The following PTPRG variants were observed in gnomAD, a reference collection of about 807,000 sequenced individuals.
The protein encoded by PTPRG is receptor-type tyrosine-protein phosphatase gamma.
PTPRG carries 102 observed loss-of-function variants against 165.3 expected under a neutral mutation model. The ratio of observed to expected loss-of-function variants is 0.62; its 90% CI spans 0.53 to 0.73. The LOEUF (loss-of-function observed/expected upper bound fraction) is 0.73, where lower values mean the gene tolerates loss of function less well. Ranked by LOEUF, PTPRG falls within the 30% of genes least tolerant of loss-of-function variation. PTPRG has a pLI of 0.00. For missense variants in PTPRG, 1,866 were observed against 1,861.4 expected (o/e 1.00, Z -0.05); for synonymous variants, 675 against 669.5 (o/e 1.01, Z -0.13).
At chr3:61,661,659 C>T (rs761528805) in intron 1 of PTPRG, among the ~76,000 whole-genome samples, 13 of 151,986 alleles carry the variant, frequency 8.6e-5, no homozygotes, top group Non-Finnish European at 1.6e-4. Flanking sequence ...GGATAAAGAG[C>T]TTTGTTTGTT....
Position 62,293,468 on chromosome 3 carries a change from T to G in PTPRG, c.*161T>G. The G allele has an allele frequency of 1.7e-6, 1 of 571,522 alleles. No individual in the cohort carries two copies. Among genetic ancestry groups the G allele is most frequent in the Non-Finnish European group, 2.9e-6 (1 of 348,730 alleles). 35.4% of individuals were successfully genotyped at this position (571,522 alleles called of 1,614,324 possible). A position where few individuals can be genotyped will look rare whatever the true frequency, so the allele number is the denominator to read the frequency against. On this transcript the variant is annotated 3_prime_UTR_variant, in exon 30 of 30. Transcript: ENST00000474889. ...TTTGCCATTTTATGTCTTAATGGTA[T>G]CCTACTGAGCATTTGCACCTCTGTT...
intron 2 of PTPRG, among the ~76,000 whole-genome samples, chr3:61,857,040 T>A (rs1042927884): frequency 6.6e-6 from 1 of 152,210 alleles, no homozygotes; most frequent in African/African-American, 2.4e-5. Flanking sequence ...CTATTTCTTT[T>A]TCTGATCATT....
At chr3:61,712,153 C>G (rs2031593899) in intron 1 of PTPRG, among the ~76,000 whole-genome samples, 1 of 152,118 alleles carries the variant, frequency 6.6e-6, no homozygotes, top group African/African-American at 2.4e-5. Flanking sequence ...CTTGGCCTCC[C>G]AAAGTGCTAG....
At chr3:62,250,762 G>A (rs1701392475) in intron 15 of PTPRG, among the ~76,000 whole-genome samples, 2 of 152,180 alleles carry the variant, frequency 1.3e-5, no homozygotes, top group African/African-American at 4.8e-5. Context: ...TTTCTTCTCA[G>A]TAGAAGTTGC....
chr3:61,787,205 T>G (rs965141886), intron 2 of PTPRG, among the ~76,000 whole-genome samples: 12 of 152,206 alleles, frequency 7.9e-5, no homozygotes, highest in Admixed American at 6.5e-4. Context: ...ATAAAGTGAT[T>G]GATAAAGAAG....
chr3:61,885,699 C>G, intron 2 of PTPRG, among the ~76,000 whole-genome samples: 1 of 125,776 alleles, frequency 8.0e-6, no homozygotes. Flanking sequence ...CTCCTCTCCT[C>G]TCTCGACAGG....
intron 2 of PTPRG, among the ~76,000 whole-genome samples, chr3:61,838,073 G>GGA (rs1286841035): frequency 6.6e-6 from 1 of 152,156 alleles, no homozygotes; most frequent in Non-Finnish European, 1.5e-5. Flanking sequence ...ATGTTGCAGG[G>GGA]GAGGCACAAT....
At chr3:61,972,400 T>G (rs974232507) in intron 2 of PTPRG, among the ~76,000 whole-genome samples, 2 of 151,672 alleles carry the variant, frequency 1.3e-5, no homozygotes, top group African/African-American at 4.8e-5. Context: ...TAGCATGCTG[T>G]TGGGGGGTTT....
intron 2 of PTPRG, among the ~76,000 whole-genome samples, chr3:61,807,278 T>G (rs2107194633): frequency 6.6e-6 from 1 of 152,344 alleles, no homozygotes; most frequent in South Asian, 2.1e-4. Flanking sequence ...AGACCCTAAC[T>G]TGATGAGCAA....
chr3:61,601,732 G>A (rs1700874165), intron 1 of PTPRG, among the ~76,000 whole-genome samples: 1 of 152,154 alleles, frequency 6.6e-6, no homozygotes, highest in African/African-American at 2.4e-5. Context: ...TTAGTGGGGG[G>A]AAACAGACTA....
At position 62,190,836 on chromosome 3, in the gene PTPRG, C is replaced by T. The variant is rs1477653190; in HGVS notation, c.1034-633C>T. Among the ~76,000 whole-genome samples, 3 of 152,170 alleles carry T rather than the reference C, an allele frequency of 2.0e-5. No homozygotes were observed. Among genetic ancestry groups the T allele is most frequent in the Non-Finnish European group, 4.4e-5 (3 of 68,036 alleles). Reference sequence around the variant, plus strand: ...GACCATGAGGCTGAAGTCAGGGGGACACAGTGATTAAGGATCTTTTGGAGA... The same window carrying T: ...GACCATGAGGCTGAAGTCAGGGGGATACAGTGATTAAGGATCTTTTGGAGA... On this transcript the variant is annotated intron_variant, in intron 8 of 29. Coordinates refer to ENST00000474889, the MANE Select transcript of PTPRG (RefSeq NM_002841.4). The surrounding 1 kb of genome is among the most constrained non-coding windows in gnomAD (Gnocchi z 5.2).
intron 4 of PTPRG, among the ~76,000 whole-genome samples, chr3:62,008,697 G>T (rs879091336): frequency 2.6e-5 from 4 of 152,174 alleles, no homozygotes; most frequent in African/African-American, 9.7e-5. Flanking sequence ...TGGGGTCGGG[G>T]GTTCAGAATG....
intron 28 of PTPRG, among the ~76,000 whole-genome samples, chr3:62,284,508 T>C (rs1208588016): frequency 6.6e-6 from 1 of 152,158 alleles, no homozygotes; most frequent in East Asian, 1.9e-4. Flanking sequence ...ATCTACTATC[T>C]GTAGGGGATA....
chr3:61,743,612 A>G (rs1182781957), intron 1 of PTPRG, among the ~76,000 whole-genome samples: 1 of 152,188 alleles, frequency 6.6e-6, no homozygotes, highest in Non-Finnish European at 1.5e-5. Flanking sequence ...TGTGTCTTAC[A>G]TAACTGATAT....
At chr3:62,083,634 T>C (rs961204291) in intron 5 of PTPRG, among the ~76,000 whole-genome samples, 1 of 152,270 alleles carries the variant, frequency 6.6e-6, no homozygotes. Flanking sequence ...GGTTTCTTTT[T>C]AAGTTGGTAG....
rs1700680908 is a variant in PTPRG at position 62,222,904 on chromosome 3, T to A, written c.2288+3921T>A. The stretch of plus-strand genomic sequence containing the variant: ...TAAATAGAATTGAGTATGGGGAGTA[T>A]TTGGAGAAGGATAAATCCAAGTTGC... On this transcript the variant is annotated intron_variant, in intron 13 of 29. Coordinates refer to ENST00000474889, the MANE Select transcript of PTPRG (RefSeq NM_002841.4). The surrounding 1 kb of genome is among the most constrained non-coding windows in gnomAD (Gnocchi z 4.5). Among the ~76,000 whole-genome samples, 1 of 151,904 alleles carries A rather than the reference T, an allele frequency of 6.6e-6. No homozygotes were observed. The highest frequency in any genetic ancestry group is 1.5e-5 in the Non-Finnish European group (1 of 67,982).
intron 4 of PTPRG, among the ~76,000 whole-genome samples, chr3:62,028,707 T>C (rs545540031): frequency 5.9e-5 from 9 of 152,338 alleles, no homozygotes; most frequent in Admixed American, 2.0e-4. Flanking sequence ...AGATTGTTTA[T>C]TTTTAAAATA....
At chr3:61,930,926 G>A (rs906541218) in intron 2 of PTPRG, among the ~76,000 whole-genome samples, 2 of 152,082 alleles carry the variant, frequency 1.3e-5, no homozygotes, top group African/African-American at 2.4e-5. Context: ...GAAATTAGCC[G>A]GGCATGGTGG....
At chr3:62,187,372 G>A (rs574798224) in intron 8 of PTPRG, among the ~76,000 whole-genome samples, 22 of 152,284 alleles carry the variant, frequency 1.4e-4, no homozygotes, top group Non-Finnish European at 3.2e-4. Context: ...ACTGATCCAC[G>A]GGCCGAAACT....
Sources: allele counts gnomAD v4.1 joint callset (sites outside exome capture counted in the v4.1 genomes callset), GRCh38; gene constraint gnomAD v4.1.1; non-coding constraint Gnocchi (gnomAD v3.1); transcripts MANE v1.5; gene names NCBI Gene and HGNC (gene_info 2026-07-23, HGNC 2026-07-21).